The following CDS2 variants were observed in gnomAD, a reference collection of about 807,000 sequenced individuals.
CDS2 encodes the protein phosphatidate cytidylyltransferase 2.
Under a neutral mutation model 59.0 loss-of-function variants are expected in CDS2, and 47 were observed. The observed-to-expected ratio is 0.80, with a 90% CI of 0.63 to 1.02. The LOEUF (loss-of-function observed/expected upper bound fraction) is 1.02. CDS2 is among the 50% of genes least tolerant of loss of function. The pLI is 0.00. For synonymous variants in CDS2, 207 were observed against 206.4 expected (o/e 1.00, Z -0.02); for missense variants, 356 against 558.9 (o/e 0.64, Z 3.66).
intron 1 of CDS2, among the ~76,000 whole-genome samples, chr20:5,152,658 G>A (rs1419572937): frequency 6.6e-6 from 1 of 152,154 alleles, no homozygotes; most frequent in Non-Finnish European, 1.5e-5. Context: ...CAGGAGAATT[G>A]CATGAACTCG....
intron 1 of CDS2, among the ~76,000 whole-genome samples, chr20:5,135,647 C>G (rs2090644367): frequency 6.6e-6 from 1 of 152,136 alleles, no homozygotes; most frequent in Non-Finnish European, 1.5e-5. Context: ...ACGTATGGTC[C>G]CCACCGGGCA....
chr20:5,162,464 G>C (rs2090882505), intron 1 of CDS2, among the ~76,000 whole-genome samples: 1 of 152,132 alleles, frequency 6.6e-6, no homozygotes, highest in South Asian at 2.1e-4. Flanking sequence ...GCTGTCAACT[G>C]ATTGACTAGG....
At chr20:5,157,045 A>T (rs1321932055) in intron 1 of CDS2, among the ~76,000 whole-genome samples, 1 of 152,202 alleles carries the variant, frequency 6.6e-6, no homozygotes, top group Non-Finnish European at 1.5e-5. Context: ...CCATTACTGC[A>T]CAGAGTGGAA....
chr20:5,177,874 T>C (rs957215460), intron 4 of CDS2, among the ~76,000 whole-genome samples: 2 of 152,258 alleles, frequency 1.3e-5, no homozygotes, highest in Admixed American at 6.5e-5. Flanking sequence ...TGGAAAGCAG[T>C]GTTTTGCATT....
intron 1 of CDS2, among the ~76,000 whole-genome samples, chr20:5,168,212 C>A (rs546580747): frequency 6.6e-6 from 1 of 151,952 alleles, no homozygotes; most frequent in African/African-American, 2.4e-5. Flanking sequence ...GTCAGGAGTT[C>A]AAGACCAGCC....
chr20:5,165,691 G>A (rs922629281), intron 1 of CDS2, among the ~76,000 whole-genome samples: 2 of 152,164 alleles, frequency 1.3e-5, no homozygotes, highest in Admixed American at 6.5e-5. Flanking sequence ...TGGGATTACA[G>A]GCATGAACCA....
chr20:5,185,207 GGCCAGGTGTTCAAAAGCA>G (rs1393723324), intron 8 of CDS2, among the ~76,000 whole-genome samples: 2 of 152,114 alleles, frequency 1.3e-5, no homozygotes, highest in Non-Finnish European at 2.9e-5. Context: ...GATTGCTTGA[GGCCAGGTGTTCAAAAGCA>G]GCCTGGGGAA....
At chr20:5,141,938 C>T (rs1349345689) in intron 1 of CDS2, among the ~76,000 whole-genome samples, 1 of 152,150 alleles carries the variant, frequency 6.6e-6, no homozygotes, top group Non-Finnish European at 1.5e-5. Context: ...AGTTTTACCA[C>T]TTTCACACAC....
intron 1 of CDS2, among the ~76,000 whole-genome samples, chr20:5,144,782 T>C (rs985757069): frequency 2.0e-5 from 3 of 152,206 alleles, no homozygotes; most frequent in African/African-American, 7.2e-5. Flanking sequence ...AATCCGTGTA[T>C]GTCTTCCCAG....
At chr20:5,170,981 C>T (rs1378124741) in intron 1 of CDS2, among the ~76,000 whole-genome samples, 4 of 152,234 alleles carry the variant, frequency 2.6e-5, no homozygotes, top group African/African-American at 4.8e-5. Flanking sequence ...ATAAATTCCT[C>T]GACACATACT....
intron 3 of CDS2, 36 bp from the exon 4 acceptor site, chr20:5,176,612 G>A (rs751607141): frequency 4.0e-6 from 6 of 1,518,860 alleles, no homozygotes; most frequent in Non-Finnish European, 5.5e-6. Flanking sequence ...AAAATCATAA[G>A]AATTGGGGTG....
intron 1 of CDS2, among the ~76,000 whole-genome samples, chr20:5,148,869 G>T (rs80217207): frequency 0.026 from 3,884 of 152,232 alleles, 69 homozygotes; most frequent in East Asian, 0.08. Flanking sequence ...CAGAATTCTC[G>T]GTACAGAGAT....
intron 2 of CDS2, among the ~76,000 whole-genome samples, chr20:5,174,597 C>T (rs1425960851): frequency 1.3e-5 from 2 of 151,850 alleles, no homozygotes; most frequent in African/African-American, 4.8e-5. Context: ...TGGTGGCAGG[C>T]GCCTGTAGTC....
chr20:5,162,438 G>T (rs528872220), intron 1 of CDS2, among the ~76,000 whole-genome samples: 1 of 152,118 alleles, frequency 6.6e-6, no homozygotes, highest in Non-Finnish European at 1.5e-5. Context: ...CTTATGCAGG[G>T]TATATAGACT....
chr20:5,156,601 T>A (rs1271562875), intron 1 of CDS2, among the ~76,000 whole-genome samples: 1 of 152,114 alleles, frequency 6.6e-6, no homozygotes, highest in Non-Finnish European at 1.5e-5. Flanking sequence ...AGGATTCAGA[T>A]GCGATTAATT....
chr20:5,171,722 C>A (rs752175670), intron 1 of CDS2, among the ~76,000 whole-genome samples: 1 of 152,102 alleles, frequency 6.6e-6, no homozygotes, highest in South Asian at 2.1e-4. Context: ...TTGGTTATGT[C>A]GCTTCAAGGA....
rs11297837 is a variant in CDS2 at position 5,137,248 on chromosome 20, C to CTT, written c.57+10111_57+10112dup. ...TCTGTCACCCTCCCTCATTTCTACC[C>CTT]TTTTTTTTTTTTTGAGATGGAGTCT... On this transcript the variant is annotated intron_variant, in intron 1 of 12. Coordinates refer to ENST00000460006, the MANE Select transcript of CDS2 (RefSeq NM_003818.4). Among the ~76,000 whole-genome samples the CTT allele has an allele frequency of 4.2e-4, 60 of 141,604 alleles. 1 individual carries two copies. In the East Asian group the frequency reaches 8.7e-3, roughly 20 times the overall value. 92.9% of individuals were successfully genotyped at this position (141,604 alleles called of 152,430 possible).
At chr20:5,162,893 A>T (rs1600493489) in intron 1 of CDS2, among the ~76,000 whole-genome samples, 1 of 152,188 alleles carries the variant, frequency 6.6e-6, no homozygotes, top group East Asian at 1.9e-4. Flanking sequence ...CATTGCCAAG[A>T]TATATGATAA....
At chr20:5,188,931 G>A (rs531161043) in intron 10 of CDS2, 136 bp from the exon 11 acceptor site, 2 of 1,053,710 alleles carry the variant, frequency 1.9e-6, no homozygotes, top group Admixed American at 1.9e-5. Flanking sequence ...TTGCCCCTGT[G>A]ACCCAAACAC....
Sources: gnomAD v4.1 joint callset for allele counts (sites outside exome capture counted in the v4.1 genomes callset) on GRCh38, gnomAD v4.1.1 for gene constraint, MANE v1.5 for transcripts, NCBI Gene and HGNC (gene_info 2026-07-23, HGNC 2026-07-21) for gene names.